TNRC6A: variants seen among roughly 807,000 people sequenced by gnomAD.
TNRC6A encodes trinucleotide repeat-containing gene 6A protein.
In TNRC6A, 44 loss-of-function variants were observed where a neutral mutation model predicts 221.2. The observed-to-expected ratio is 0.20, with a 90% CI of 0.16 to 0.26. TNRC6A has a LOEUF of 0.26. TNRC6A is among the 10% of genes least tolerant of loss of function. The pLI is 1.00. For missense variants in TNRC6A, 2,199 were observed against 2,404.4 expected (o/e 0.91, Z 1.79); for synonymous variants, 847 against 838.5 (o/e 1.01, Z -0.18).
intron 2 of TNRC6A, among the ~76,000 whole-genome samples, chr16:24,669,885 T>C (rs542734697): frequency 1.6e-4 from 24 of 150,104 alleles, no homozygotes; most frequent in Non-Finnish European, 3.1e-4. Flanking sequence ...AGTATTAGGC[T>C]TAATGCTATA....
At position 24,669,888 on chromosome 16, in the gene TNRC6A, A is replaced by G. The variant is rs117526965; in HGVS notation, n.402+28879A>G. On this transcript the variant is annotated intron_variant and non_coding_transcript_variant, in intron 2 of 2. Coordinates refer to the TNRC6A transcript ENST00000566108. ...TTATATGAGCCAAGTATTAGGCTTAATGCTATATGCATCCACTCATTTTGT... is the reference window on the plus strand; with the variant it reads ...TTATATGAGCCAAGTATTAGGCTTAGTGCTATATGCATCCACTCATTTTGT... Among the ~76,000 whole-genome samples, 29 of 148,154 alleles carry G rather than the reference A, an allele frequency of 2.0e-4. No individual in the cohort carries two copies. The East Asian group carries it at 5.1e-3, about 26-fold the overall frequency.
At chr16:24,672,916 T>C (rs1355640719) in intron 2 of TNRC6A, among the ~76,000 whole-genome samples, 4 of 152,152 alleles carry the variant, frequency 2.6e-5, no homozygotes, top group Non-Finnish European at 4.4e-5. Context: ...ATAGTACTAT[T>C]CTGGCTGGGC....
chr16:24,794,565 G>A lies in TNRC6A; in HGVS notation c.3374G>A (p.Gly1125Asp). The A allele has an allele frequency of 6.2e-7, 1 of 1,612,578 alleles. No homozygotes were observed. Among genetic ancestry groups the A allele is most frequent in the Non-Finnish European group, 8.5e-7 (1 of 1,179,512 alleles). ...TCAGGGCCAAAATCTATGCAAGATG[G>A]CTGGTGTGGTGATGATATGCCATTG... The part of the protein sequence containing the change: ...SKSGPKSMQD[G>D]WCGDDMPLPG... Residue 1125 changes from glycine (G) to aspartate (D), a missense_variant, in exon 8 of 25, where the codon GGC becomes GAC. Around this residue, in one of 8 missense-constraint regions of TNRC6A, gnomAD observed 1,405 missense variants for 1,400.2 expected, o/e 1.00. Coordinates refer to ENST00000395799, the MANE Select transcript of TNRC6A (RefSeq NM_014494.4).
intron 2 of TNRC6A, among the ~76,000 whole-genome samples, chr16:24,664,663 ATTAT>A (rs1274679446): frequency 7.1e-6 from 1 of 140,550 alleles, no homozygotes; most frequent in Non-Finnish European, 1.5e-5. Context: ...TAATAAATTT[ATTAT>A]TTATTATTTA....
chr16:24,796,166 TG>T, intron 9 of TNRC6A: 1 of 466,260 alleles, frequency 2.1e-6, no homozygotes, highest in Non-Finnish European at 3.8e-6. Flanking sequence ...ATGCTTGGGA[TG>T]GGATGTGTTA....
intron 2 of TNRC6A, among the ~76,000 whole-genome samples, chr16:24,707,592 A>G (rs1271001394): frequency 6.6e-6 from 1 of 152,210 alleles, no homozygotes; most frequent in African/African-American, 2.4e-5. Flanking sequence ...CTTATAATTA[A>G]AAAGAAAAAA....
At chr16:24,698,012 GCT>G (rs1162847972) in intron 2 of TNRC6A, among the ~76,000 whole-genome samples, 1 of 143,814 alleles carries the variant, frequency 7.0e-6, no homozygotes, top group Non-Finnish European at 1.5e-5. Context: ...ACACAGTGAG[GCT>G]CTGTCTCAAA....
chr16:24,797,995 C>A (rs767724866), intron 11 of TNRC6A, 29 bp downstream of exon 11: 1 of 1,587,244 alleles, frequency 6.3e-7, no homozygotes, highest in Non-Finnish European at 8.6e-7. Context: ...TGTTTATATT[C>A]CTCATTGAGG....
intron 1 of TNRC6A, among the ~76,000 whole-genome samples, chr16:24,635,074 TTTTC>T (rs911472079): frequency 8.6e-5 from 13 of 151,306 alleles, no homozygotes; most frequent in South Asian, 4.2e-4. Flanking sequence ...CTTTCTTTCT[TTTTC>T]TTTCTTTCTT....
chr16:24,733,646 G>C (rs1325374819), intron 2 of TNRC6A, among the ~76,000 whole-genome samples: 8 of 152,212 alleles, frequency 5.3e-5, no homozygotes, highest in Non-Finnish European at 1.5e-5. Context: ...GGTAGTTCAG[G>C]TTATATAAGG....
intron 7 of TNRC6A, among the ~76,000 whole-genome samples, chr16:24,793,982 ATG>A (rs2058166476): frequency 1.3e-5 from 2 of 152,198 alleles, no homozygotes; most frequent in Non-Finnish European, 2.9e-5. Context: ...TAGTGTAGCC[ATG>A]AGGACACATA....
chr16:24,616,543 T>C (rs1229558929), intron 1 of TNRC6A, among the ~76,000 whole-genome samples: 1 of 152,120 alleles, frequency 6.6e-6, no homozygotes, highest in African/African-American at 2.4e-5. Context: ...TCAGAAAATA[T>C]ACTCTATATG....
chr16:24,786,338 T>A (rs1043900982), intron 5 of TNRC6A, among the ~76,000 whole-genome samples: 2 of 152,062 alleles, frequency 1.3e-5, no homozygotes, highest in Non-Finnish European at 2.9e-5. Context: ...TTGTTTTGTT[T>A]TTTTTGAGAC....
chr16:24,778,884 A>T (rs553916974), intron 5 of TNRC6A, among the ~76,000 whole-genome samples: 1 of 152,278 alleles, frequency 6.6e-6, no homozygotes, highest in Non-Finnish European at 1.5e-5. Context: ...AAATGTGGTT[A>T]AAAACTTCGG....
At chr16:24,658,283 TTGCAC>T (rs1225608635) in intron 2 of TNRC6A, among the ~76,000 whole-genome samples, 4 of 152,228 alleles carry the variant, frequency 2.6e-5, no homozygotes, top group Admixed American at 2.6e-4. Context: ...TCAAATTTCA[TTGCAC>T]AGTTTTGCAA....
rs2058049171 is a variant in TNRC6A, at chr16:24,789,502, C to T, written c.860C>T (p.Thr287Ile). ...GAAAAAGATGGCCTTCGGAATAGCA[C>T]TGGACTTGGTTCCCAAAACAAGTTT... The part of the protein sequence containing the change: ...GGEKDGLRNS[T>I]GLGSQNKFVV... Residue 287 changes from threonine to isoleucine, a missense_variant, in exon 6 of 25, where the codon ACT becomes ATT. Around this residue, in one of 8 missense-constraint regions of TNRC6A, gnomAD observed 1,405 missense variants for 1,400.2 expected, o/e 1.00. Coordinates refer to ENST00000395799, the MANE Select transcript of TNRC6A (RefSeq NM_014494.4). 1.2e-6 allele frequency: 2 copies of T among 1,614,058 alleles called. No homozygotes were observed. Among genetic ancestry groups the T allele is most frequent in the Non-Finnish European group, 1.7e-6 (2 of 1,180,036 alleles).
chr16:24,614,572 G>A (rs77821703), intron 1 of TNRC6A, among the ~76,000 whole-genome samples: 2,548 of 152,296 alleles, frequency 0.017, 69 homozygotes, highest in African/African-American at 0.058. Context: ...ATTAGAAGGT[G>A]GGTGTGGTGA....
intron 5 of TNRC6A, among the ~76,000 whole-genome samples, chr16:24,780,469 T>C (rs1476667303): frequency 2.6e-5 from 4 of 152,232 alleles, no homozygotes; most frequent in African/African-American, 9.6e-5. Context: ...TATATCCACA[T>C]TTTTGCTAGT....
intron 2 of TNRC6A, among the ~76,000 whole-genome samples, chr16:24,747,096 A>G (rs770148848): frequency 3.3e-5 from 5 of 150,694 alleles, no homozygotes; most frequent in Admixed American, 6.6e-5. Flanking sequence ...ATCTTGATCT[A>G]TTTGTTTTTT....
Sources: gnomAD v4.1 joint callset for allele counts (sites outside exome capture counted in the v4.1 genomes callset) on GRCh38, gnomAD v4.1.1 for gene constraint, gnomAD v4.1.1 regional missense constraint, MANE v1.5 for transcripts, NCBI Gene and HGNC (gene_info 2026-07-23, HGNC 2026-07-21) for gene names.